Variants in STAG1 observed in about 807,000 individuals in gnomAD.
STAG1 encodes cohesin subunit SA-1.
In STAG1, 26 loss-of-function variants were observed where a neutral mutation model predicts 170.9. The observed-to-expected ratio is 0.15, with a 90% CI of 0.11 to 0.21. STAG1 has a LOEUF of 0.21. Among genes scored for constraint, STAG1 ranks in the 10% least tolerant of loss-of-function variants. The pLI is 1.00. For synonymous variants in STAG1, 514 were observed against 497.7 expected, an observed-to-expected ratio of 1.03 and a Z score of -0.44; for missense variants, 964 against 1,509.5, an observed-to-expected ratio of 0.64 and a Z score of 5.99.
intron 2 of STAG1, among the ~76,000 whole-genome samples, chr3:136,625,103 G>A (rs10513016): frequency 0.078 from 11,909 of 152,204 alleles, 488 homozygotes; most frequent in Non-Finnish European, 0.094. Flanking sequence ...CATTGAAAAG[G>A]TTTAGACAGC....
intron 1 of STAG1, among the ~76,000 whole-genome samples, chr3:136,697,107 T>C (rs993883316): frequency 1.3e-5 from 2 of 152,232 alleles, no homozygotes; most frequent in East Asian, 1.9e-4. Flanking sequence ...GGACTTTTCA[T>C]TGCAAATGAA....
intron 4 of STAG1, chr3:136,586,967 C>T (rs1433172604): frequency 2.3e-6 from 1 of 444,140 alleles, no homozygotes. Context: ...GGCTTAGATT[C>T]CTGAATCATC....
In STAG1 at chr3:136,627,590, GA is replaced by G. The variant is rs534310875; in HGVS notation, c.29+3279del. ...GTTTTGCACTATTACAAACAGGGCTGAAATGACTGTTCTTGTACATAAATAA... is the reference window on the plus strand; with the variant it reads ...GTTTTGCACTATTACAAACAGGGCTGAATGACTGTTCTTGTACATAAATAA... On this transcript the variant is annotated intron_variant, in intron 2 of 33. Transcript: ENST00000383202. 2.0e-5 allele frequency among the ~76,000 whole-genome samples: 3 copies of G among 152,266 alleles called. No homozygotes were observed. The South Asian group carries it at 6.2e-4, about 32-fold the overall frequency.
At chr3:136,571,004 G>A (rs995902826) in intron 4 of STAG1, among the ~76,000 whole-genome samples, 3 of 152,182 alleles carry the variant, frequency 2.0e-5, no homozygotes, top group Admixed American at 1.3e-4. Flanking sequence ...GCAAGCTCAG[G>A]ATGATGGTGA....
At chr3:136,464,857 G>A (rs766595794) in intron 13 of STAG1, 24 bp downstream of exon 13, 98 of 1,579,208 alleles carry the variant, frequency 6.2e-5, no homozygotes, top group Non-Finnish European at 8.1e-5. Flanking sequence ...AAGTAGAACC[G>A]GTTTTCAAAG....
chr3:136,352,972 A>G (rs1383423575), intron 28 of STAG1, among the ~76,000 whole-genome samples: 2 of 152,214 alleles, frequency 1.3e-5, no homozygotes, highest in Non-Finnish European at 2.9e-5. Flanking sequence ...ATCATATCTA[A>G]TTAAAAGTGG....
intron 22 of STAG1, among the ~76,000 whole-genome samples, chr3:136,389,232 C>T (rs1399891071): frequency 1.3e-5 from 2 of 152,180 alleles, no homozygotes; most frequent in Non-Finnish European, 2.9e-5. Flanking sequence ...AGGCAACTGT[C>T]TCTTAATAAG....
chr3:136,568,952 T>C, intron 4 of STAG1, 91 bp from the exon 5 acceptor site: 1 of 868,348 alleles, frequency 1.2e-6, no homozygotes, highest in South Asian at 1.6e-5. Flanking sequence ...TTTGTGTGTG[T>C]TTCTATCTGA....
intron 6 of STAG1, among the ~76,000 whole-genome samples, chr3:136,538,998 G>T (rs1261349639): frequency 6.6e-6 from 1 of 152,038 alleles, no homozygotes; most frequent in Non-Finnish European, 1.5e-5. Context: ...GCCCAGCGTA[G>T]CGGCAGGCGC....
chr3:136,750,772 C>T (rs554318327), intron 1 of STAG1, among the ~76,000 whole-genome samples: 1 of 152,306 alleles, frequency 6.6e-6, no homozygotes, highest in South Asian at 2.1e-4. Flanking sequence ...TCATCAAAAG[C>T]AAGGAAATAA....
chr3:136,570,210 A>T (rs1937218026), intron 4 of STAG1, among the ~76,000 whole-genome samples: 1 of 152,208 alleles, frequency 6.6e-6, no homozygotes, highest in Non-Finnish European at 1.5e-5. Flanking sequence ...CTTTCCAGTC[A>T]GTAACCATCC....
At position 136,498,233 on chromosome 3, in the gene STAG1, T is replaced by TATATATATATATATATACAC; in HGVS notation, c.902+1989_902+1990insGTGTATATATATATATATAT. On this transcript the variant is annotated intron_variant, in intron 9 of 33. Transcript: ENST00000383202. ...AATTATATATATATATATATATATATACACATACATATACATACACACACA... is the reference window on the plus strand; with the variant it reads ...AATTATATATATATATATATATATATATATATATATATATATACACACACATACATATACATACACACACA... Among the ~76,000 whole-genome samples the TATATATATATATATATACAC allele has an allele frequency of 9.0e-4, 52 of 57,474 alleles. 1 individual carries two copies. The highest frequency in any genetic ancestry group is 2.2e-3 in the East Asian group (1 of 460). 37.7% of individuals were successfully genotyped at this position (57,474 alleles called of 152,430 possible).
At chr3:136,632,350 G>T (rs1246663684) in intron 1 of STAG1, among the ~76,000 whole-genome samples, 1 of 152,106 alleles carries the variant, frequency 6.6e-6, no homozygotes, top group East Asian at 1.9e-4. Flanking sequence ...GCAAAATTTG[G>T]TGAGAAGGCA....
chr3:136,595,549 C>T (rs1010129574), intron 4 of STAG1, among the ~76,000 whole-genome samples: 2 of 151,678 alleles, frequency 1.3e-5, no homozygotes, highest in African/African-American at 2.4e-5. Flanking sequence ...AAACTGCGGG[C>T]GCCTGCAGTC....
intron 19 of STAG1, 39 bp from the exon 20 acceptor site, chr3:136,421,202 T>C: frequency 7.1e-7 from 1 of 1,417,786 alleles, no homozygotes; most frequent in Non-Finnish European, 9.8e-7. Context: ...ACAACTTTAC[T>C]CACCTTATAG....
At chr3:136,725,534 CTA>C (rs1408202761) in intron 1 of STAG1, among the ~76,000 whole-genome samples, 4 of 152,138 alleles carry the variant, frequency 2.6e-5, no homozygotes, top group East Asian at 1.9e-4. Context: ...AACGCCAATT[CTA>C]TGTTTTCTTG....
In STAG1 at chr3:136,664,769, C is replaced by G. The variant is rs77598363; in HGVS notation, c.-83-33788G>C. Among the ~76,000 whole-genome samples the G allele has an allele frequency of 3.2e-4, 48 of 152,276 alleles. No homozygotes were observed. In the East Asian group the frequency reaches 6.7e-3, roughly 21 times the overall value. On this transcript the variant is annotated intron_variant, in intron 1 of 33. Coordinates refer to ENST00000383202, the MANE Select transcript of STAG1 (RefSeq NM_005862.3). Reference sequence around the variant, plus strand: ...CACATGCCACAGCCAAGAGAAAGACCTGTGGATGAAATAAACCTGCAACAG... The same window carrying G: ...CACATGCCACAGCCAAGAGAAAGACGTGTGGATGAAATAAACCTGCAACAG...
chr3:136,587,120 G>C (rs530702414), intron 4 of STAG1, among the ~76,000 whole-genome samples: 2 of 151,648 alleles, frequency 1.3e-5, no homozygotes, highest in Admixed American at 1.3e-4. Flanking sequence ...ACTCATTTAA[G>C]ACACGTTAAA....
At chr3:136,487,376 T>C (rs1166523483) in intron 9 of STAG1, among the ~76,000 whole-genome samples, 1 of 152,234 alleles carries the variant, frequency 6.6e-6, no homozygotes, top group Non-Finnish European at 1.5e-5. Context: ...ATCTAGTCTA[T>C]CACTGATGGG....
Sources: allele counts gnomAD v4.1 joint callset (sites outside exome capture counted in the v4.1 genomes callset), GRCh38; gene constraint gnomAD v4.1.1; transcripts MANE v1.5; gene names NCBI Gene and HGNC (gene_info 2026-07-23, HGNC 2026-07-21).